Variants in SMO observed in about 807,000 individuals in gnomAD.
SMO encodes the protein smoothened, frizzled class receptor, also known as protein smoothened.
Under a neutral mutation model 81.6 loss-of-function variants are expected in SMO, and 40 were observed. That is an observed-to-expected ratio of 0.49 (90% CI 0.38 to 0.64). The LOEUF is 0.64. Ranked by LOEUF, SMO falls within the 30% of genes least tolerant of loss-of-function variation. The pLI, the probability that SMO is intolerant of heterozygous loss-of-function variation, is 0.00. For synonymous variants in SMO, 434 were observed against 432.1 expected (o/e 1.00, Z -0.05); for missense variants, 916 against 1,061.1 (o/e 0.86, Z 1.90).
chr7:129,195,844 G>A (rs1793564082), intron 1 of SMO, among the ~76,000 whole-genome samples: 1 of 152,090 alleles, frequency 6.6e-6, no homozygotes, highest in Non-Finnish European at 1.5e-5. Context: ...GCTCACACCT[G>A]TAATCCCAGC....
chr7:129,190,163 A>G (rs1179327883), intron 1 of SMO, among the ~76,000 whole-genome samples: 2 of 152,142 alleles, frequency 1.3e-5, no homozygotes, highest in African/African-American at 2.4e-5. Flanking sequence ...CCTTTCTAAC[A>G]GTTATTTGTG....
chr7:129,205,131 G>T (rs1793741705), intron 2 of SMO, 72 bp from the exon 3 acceptor site: 6 of 1,361,858 alleles, frequency 4.4e-6, no homozygotes, highest in Admixed American at 1.7e-5. Context: ...ATGCTACCTA[G>T]ATACCTTTCC....
rs768961568 is a variant in SMO at position 129,209,286 on chromosome 7, C to T, written c.1358-3C>T. 1 of 1,595,720 alleles carries T rather than the reference C, an allele frequency of 6.3e-7. No homozygotes were observed. Among genetic ancestry groups the T allele is most frequent in the Non-Finnish European group, 8.6e-7 (1 of 1,163,276 alleles). On this transcript the variant is annotated splice_polypyrimidine_tract_variant and splice_region_variant and intron_variant, in intron 7 of 11. Coordinates refer to ENST00000249373, the MANE Select transcript of SMO (RefSeq NM_005631.5). Reference sequence around the variant, plus strand: ...CGTCCTGTCCTGCCCCTGTCCTCCACAGGCATTTTTGGCTTCCTGGCCTTT... The same window carrying T: ...CGTCCTGTCCTGCCCCTGTCCTCCATAGGCATTTTTGGCTTCCTGGCCTTT...
chr7:129,195,944 A>C (rs1305130959), intron 1 of SMO, among the ~76,000 whole-genome samples: 2 of 151,962 alleles, frequency 1.3e-5, no homozygotes, highest in Non-Finnish European at 2.9e-5. Context: ...TACTAAAAAT[A>C]CAAAAAATTA....
chr7:129,207,669 G>A (rs147360419), intron 6 of SMO, among the ~76,000 whole-genome samples: 126 of 152,148 alleles, frequency 8.3e-4, no homozygotes, highest in African/African-American at 2.9e-3. Flanking sequence ...TGAGACGGAC[G>A]GATCACTTGA....
At position 129,208,982 on chromosome 7, in the gene SMO, G is replaced by C; in HGVS notation, c.1357+131G>C. The C allele has an allele frequency of 1.5e-6, 1 of 674,108 alleles. No individual in the cohort carries two copies. The highest frequency in any genetic ancestry group is 2.7e-6 in the Non-Finnish European group (1 of 376,072). The allele number at this position is 674,108 out of a possible 1,614,324, so 41.8% of individuals were successfully genotyped here. A position where few individuals can be genotyped will look rare whatever the true frequency, so the allele number is the denominator to read the frequency against. ...AGCCATAGGGACAAGGACAAGGGGTGTGTGTAGGTGGTAGTGGTAGTGGCA... is the reference window on the plus strand; with the variant it reads ...AGCCATAGGGACAAGGACAAGGGGTCTGTGTAGGTGGTAGTGGTAGTGGCA... On this transcript the variant is annotated intron_variant, in intron 7 of 11. Transcript: ENST00000249373. This position sits in a 1 kb window ranked among gnomAD's most constrained non-coding sequence, Gnocchi z 5.2.
chr7:129,207,889 T>C (rs1450779307), intron 6 of SMO, among the ~76,000 whole-genome samples: 1 of 412 alleles, frequency 2.4e-3, no homozygotes, highest in Non-Finnish European at 5.3e-3. Context: ...TGAGACCCTG[T>C]CTCCAAAGAA....
Position 129,211,433 on chromosome 7 carries a change from G to T in SMO, c.1802-203G>T. The T allele has an allele frequency of 1.4e-6, 1 of 723,926 alleles. No individual in the cohort carries two copies. The highest frequency in any genetic ancestry group is 1.5e-5 in the South Asian group (1 of 67,356). 44.8% of individuals were successfully genotyped at this position (723,926 alleles called of 1,614,324 possible). ...CAGGGTTCCAAGAACTGGATTTCTG[G>T]CCTCCAGTTAGGCCCTTTGGGGACG... is the stretch of plus-strand genomic sequence containing the variant. On this transcript the variant is annotated intron_variant, in intron 10 of 11. Coordinates refer to ENST00000249373, the MANE Select transcript of SMO (RefSeq NM_005631.5). The surrounding 1 kb of genome is among the most constrained non-coding windows in gnomAD (Gnocchi z 4.6).
chr7:129,189,198 G>GGATGCT lies in SMO; in HGVS notation c.48_49insATGCTG (p.Gly16_Leu17insMetLeu). ...CGGGGGCCGGAGCTCCCGCTCCTGGGGCTGCTGCTGCTGCTGCTGCTGGGG... is the reference window on the plus strand; with the variant it reads ...CGGGGGCCGGAGCTCCCGCTCCTGGGGATGCTGCTGCTGCTGCTGCTGCTGCTGGGG... On this transcript the variant is annotated inframe_insertion, in exon 1 of 12. Coordinates refer to ENST00000249373, the MANE Select transcript of SMO (RefSeq NM_005631.5). The surrounding 1 kb of genome is among the most constrained non-coding windows in gnomAD (Gnocchi z 4.7). 1 of 1,147,272 alleles carries GGATGCT rather than the reference G, an allele frequency of 8.7e-7. No individual in the cohort carries two copies. The highest frequency in any genetic ancestry group is 1.1e-6 in the Non-Finnish European group (1 of 914,000). 71.1% of individuals were successfully genotyped at this position (1,147,272 alleles called of 1,614,324 possible). A position where few individuals can be genotyped will look rare whatever the true frequency, so the allele number is the denominator to read the frequency against.
rs1793451850 is a variant in SMO at position 129,189,526 on chromosome 7, G to GT, written c.331+45dup. On this transcript the variant is annotated intron_variant, in intron 1 of 11. Coordinates refer to ENST00000249373, the MANE Select transcript of SMO (RefSeq NM_005631.5). This position sits in a 1 kb window ranked among gnomAD's most constrained non-coding sequence, Gnocchi z 4.7. ...GGTCTGGGGGGCGGGAGGTGCCGCG[G>GT]TAAGATGGGGGCACCCTTGGAAAGA... 4 of 1,529,188 alleles carry GT rather than the reference G, an allele frequency of 2.6e-6. No homozygotes were observed. The highest frequency in any genetic ancestry group is 3.5e-6 in the Non-Finnish European group (4 of 1,142,866). The allele number at this position is 1,529,188 out of a possible 1,614,324, so 94.7% of individuals were successfully genotyped here.
rs1225046745 is a variant in SMO at position 129,206,665 on chromosome 7, C to A, written c.1264+78C>A. 1 of 1,504,402 alleles carries A rather than the reference C, an allele frequency of 6.6e-7. No homozygotes were observed. The highest frequency in any genetic ancestry group is 9.1e-7 in the Non-Finnish European group (1 of 1,100,898). The allele number at this position is 1,504,402 out of a possible 1,614,324, so 93.2% of individuals were successfully genotyped here. ...TGCTGCCAGTACTGGGAGCTGCCAG[C>A]ACGGCTGCCCCCATGCTGAAACCCC... On this transcript the variant is annotated intron_variant, in intron 6 of 11. Transcript: ENST00000249373. The surrounding 1 kb of genome is among the most constrained non-coding windows in gnomAD (Gnocchi z 4.4).
chr7:129,188,862 G>C lies in SMO; in HGVS notation c.-290G>C, dbSNP rs1793436235. The stretch of plus-strand genomic sequence containing the variant: ...ATGGGGCTGGGGATTGGGGGCCCAG[G>C]GGTCTCCTAGGGCTGAAGACAACTT... On this transcript the variant is annotated 5_prime_UTR_variant, in exon 1 of 12. Transcript: ENST00000249373. This position sits in a 1 kb window ranked among gnomAD's most constrained non-coding sequence, Gnocchi z 4.9. 1 of 279,928 alleles carries C rather than the reference G, an allele frequency of 3.6e-6. No individual in the cohort carries two copies. The highest frequency in any genetic ancestry group is 2.2e-5 in the African/African-American group (1 of 45,742). 17.3% of individuals were successfully genotyped at this position (279,928 alleles called of 1,614,324 possible).
intron 1 of SMO, among the ~76,000 whole-genome samples, chr7:129,201,873 G>A (rs1186660933): frequency 6.6e-6 from 1 of 152,022 alleles, no homozygotes; most frequent in African/African-American, 2.4e-5. Context: ...TAGAGACGGG[G>A]TTTCACCTTG....
At chr7:129,200,014 CTTTTCTT>C (rs1793644518) in intron 1 of SMO, among the ~76,000 whole-genome samples, 1 of 152,158 alleles carries the variant, frequency 6.6e-6, no homozygotes, top group Non-Finnish European at 1.5e-5. Flanking sequence ...CAGTATCTTA[CTTTTCTT>C]ATGATTTTTG....
chr7:129,202,588 G>GCTGACAACATTTTTCCC (rs1713330795), intron 1 of SMO, among the ~76,000 whole-genome samples: 1 of 152,156 alleles, frequency 6.6e-6, no homozygotes, highest in Non-Finnish European at 1.5e-5. Flanking sequence ...TTTCTGTCTT[G>GCTGACAACATTTTTCCC]CTGACAACAT....
rs1052801199 is a variant in SMO, at chr7:129,212,030, C to G, written c.1943C>G (p.Pro648Arg). The G allele has an allele frequency of 6.3e-7, 1 of 1,585,724 alleles. No homozygotes were observed. The highest frequency in any genetic ancestry group is 8.5e-7 in the Non-Finnish European group (1 of 1,172,644). Residue 648 changes from proline (P) to arginine (R), a missense_variant, in exon 12 of 12, where the codon CCA becomes CGA. Around this residue, in one of 4 missense-constraint regions of SMO, gnomAD observed 324 missense variants for 312.9 expected, o/e 1.04. Transcript: ENST00000249373. The surrounding 1 kb of genome is among the most constrained non-coding windows in gnomAD (Gnocchi z 5.0). Reference protein sequence around the residue: ...SVTPVATPVPPEEQANLWLVE... With the variant: ...SVTPVATPVPREEQANLWLVE... ...TTGTCTCTCCTCCTGTCAGTGCCCC[C>G]AGAGGAACAAGCCAACCTGTGGCTG...
At chr7:129,203,314 C>A in intron 1 of SMO, 70 bp from the exon 2 acceptor site, 1 of 1,200,548 alleles carries the variant, frequency 8.3e-7, no homozygotes, top group Non-Finnish European at 1.2e-6. Flanking sequence ...GCCTGGAGGA[C>A]AGGGGTGAAG....
rs2150655968 is a variant in SMO at position 129,211,843 on chromosome 7, G to A, written c.1936+73G>A. The A allele has an allele frequency of 6.3e-7, 1 of 1,578,160 alleles. No homozygotes were observed. The highest frequency in any genetic ancestry group is 1.7e-5 in the Admixed American group (1 of 59,826). On this transcript the variant is annotated intron_variant, in intron 11 of 11. Coordinates refer to ENST00000249373, the MANE Select transcript of SMO (RefSeq NM_005631.5). The surrounding 1 kb of genome is among the most constrained non-coding windows in gnomAD (Gnocchi z 4.6). ...TGGGGGCTTCTGGGACTGGAGTACA[G>A]GGGCTGTCGGAGGAGGAGGAAGAGG... is the stretch of plus-strand genomic sequence containing the variant.
rs140536280 is a variant in SMO, at chr7:129,197,915, G to A, written c.332-5469G>A. Among the ~76,000 whole-genome samples, 380 of 152,204 alleles carry A rather than the reference G, an allele frequency of 2.5e-3. 2 individuals carry two copies. The highest frequency in any genetic ancestry group is 8.8e-3 in the African/African-American group (364 of 41,532). Reference sequence around the variant, plus strand: ...TTTTAAAAGTCTAGATCAGCCAGGCGCGGTAACACCCGTATTCCTGTTTCT... The same window carrying A: ...TTTTAAAAGTCTAGATCAGCCAGGCACGGTAACACCCGTATTCCTGTTTCT... On this transcript the variant is annotated intron_variant, in intron 1 of 11. Coordinates refer to ENST00000249373, the MANE Select transcript of SMO (RefSeq NM_005631.5).
Sources: allele counts gnomAD v4.1 joint callset (sites outside exome capture counted in the v4.1 genomes callset), GRCh38; gene constraint gnomAD v4.1.1; regional missense constraint gnomAD v4.1.1; non-coding constraint Gnocchi (gnomAD v3.1); transcripts MANE v1.5; gene names NCBI Gene and HGNC (gene_info 2026-07-23, HGNC 2026-07-21).